PGGT1B: variants seen among roughly 807,000 people sequenced by gnomAD.
PGGT1B encodes the protein protein geranylgeranyltransferase type I subunit beta.
Under a neutral mutation model 46.1 loss-of-function variants are expected in PGGT1B, and 30 were observed. The ratio of observed to expected loss-of-function variants is 0.65; its 90% CI spans 0.49 to 0.88. PGGT1B has a LOEUF of 0.88. Ranked by LOEUF, PGGT1B falls within the 40% of genes least tolerant of loss-of-function variation. The pLI, the probability that PGGT1B is intolerant of heterozygous loss-of-function variation, is 0.00. For synonymous variants in PGGT1B, 170 were observed against 160.0 expected (o/e 1.06, Z -0.47); for missense variants, 376 against 455.9 (o/e 0.82, Z 1.60).
rs372063239 is a variant in PGGT1B, at chr5:115,211,847, T to C, written c.*555A>G. ...ACTATGAAGTTATTAACTTCATTTA[T>C]ATAGGCCACACAGGTTTAATTGGCA... is the stretch of plus-strand genomic sequence containing the variant. On this transcript the variant is annotated 3_prime_UTR_variant, in exon 9 of 9. Transcript: ENST00000419445. 2 of 153,122 alleles carry C rather than the reference T, an allele frequency of 1.3e-5. No homozygotes were observed. The highest frequency in any genetic ancestry group is 6.5e-5 in the Admixed American group (1 of 15,364). The allele number at this position is 153,122 out of a possible 1,614,324, so 9.5% of individuals were successfully genotyped here. A position where few individuals can be genotyped will look rare whatever the true frequency, so the allele number is the denominator to read the frequency against.
At chr5:115,260,094 G>C (rs1404304348) in intron 1 of PGGT1B, among the ~76,000 whole-genome samples, 1 of 152,068 alleles carries the variant, frequency 6.6e-6, no homozygotes, top group African/African-American at 2.4e-5. Context: ...ATCATTTTAA[G>C]AAGTCAATAT....
Position 115,209,252 on chromosome 5 carries a change from G to A in PGGT1B, c.*3150C>T, listed in dbSNP as rs1201396618. ...ATTTGGATTCTAATTCTAGAAGTTT[G>A]TCCTCAGTGCTGGGCTTTGTCTCAT... On this transcript the variant is annotated 3_prime_UTR_variant, in exon 9 of 9. Coordinates refer to ENST00000419445, the MANE Select transcript of PGGT1B (RefSeq NM_005023.4). 4 of 151,974 alleles carry A rather than the reference G, an allele frequency of 2.6e-5. No individual in the cohort carries two copies. The highest frequency in any genetic ancestry group is 2.6e-4 in the Admixed American group (4 of 15,226). The allele number at this position is 151,974 out of a possible 1,614,324, so 9.4% of individuals were successfully genotyped here. A position where few individuals can be genotyped will look rare whatever the true frequency, so the allele number is the denominator to read the frequency against.
intron 1 of PGGT1B, among the ~76,000 whole-genome samples, chr5:115,253,578 A>G (rs575205249): frequency 2.5e-4 from 38 of 152,050 alleles, no homozygotes; most frequent in Non-Finnish European, 4.4e-4. Context: ...CTCTACAACT[A>G]ATCAGTACAA....
intron 6 of PGGT1B, among the ~76,000 whole-genome samples, chr5:115,229,102 G>A (rs553773622): frequency 6.6e-6 from 1 of 152,186 alleles, no homozygotes; most frequent in East Asian, 1.9e-4. Context: ...GTGATGAGAA[G>A]GGGAAAGAAA....
chr5:115,237,785 A>G, intron 4 of PGGT1B, 73 bp downstream of exon 4: 6 of 1,264,052 alleles, frequency 4.7e-6, no homozygotes, highest in Admixed American at 2.0e-5. Context: ...GATCTAGTAT[A>G]GTACTGTATC....
Position 115,207,204 on chromosome 5 carries a change from T to G in PGGT1B, c.*5198A>C, listed in dbSNP as rs1436921236. On this transcript the variant is annotated 3_prime_UTR_variant, in exon 9 of 9. Transcript: ENST00000419445. Reference sequence around the variant, plus strand: ...ACATATATATATATATATATATATATATAGTCTTGTTACTCTTTTTAGTAA... The same window carrying G: ...ACATATATATATATATATATATATAGATAGTCTTGTTACTCTTTTTAGTAA... 7.1e-6 allele frequency: 1 copy of G among 140,316 alleles called. No individual in the cohort carries two copies. 8.7% of individuals were successfully genotyped at this position (140,316 alleles called of 1,614,324 possible). A position where few individuals can be genotyped will look rare whatever the true frequency, so the allele number is the denominator to read the frequency against.
chr5:115,258,799 G>C (rs1748430359), intron 1 of PGGT1B, among the ~76,000 whole-genome samples: 1 of 152,198 alleles, frequency 6.6e-6, no homozygotes, highest in African/African-American at 2.4e-5. Flanking sequence ...CAGGGGATTA[G>C]CCATAACAAA....
rs936146464 is a variant in PGGT1B at position 115,205,449 on chromosome 5, A to G, written c.*6953T>C. ...TAATGAAAAGTTTGAACAAACATGGAAAAACATGGAAAGAAGAGGGTGGAG... is the reference window on the plus strand; with the variant it reads ...TAATGAAAAGTTTGAACAAACATGGGAAAACATGGAAAGAAGAGGGTGGAG... On this transcript the variant is annotated 3_prime_UTR_variant, in exon 9 of 9. Transcript: ENST00000419445. 6.6e-6 allele frequency: 1 copy of G among 152,068 alleles called. No individual in the cohort carries two copies. The highest frequency in any genetic ancestry group is 2.4e-5 in the African/African-American group (1 of 41,414). 9.4% of individuals were successfully genotyped at this position (152,068 alleles called of 1,614,324 possible). A position where few individuals can be genotyped will look rare whatever the true frequency, so the allele number is the denominator to read the frequency against.
Position 115,252,938 on chromosome 5 carries a change from C to T in PGGT1B, c.259+199G>A, listed in dbSNP as rs374747121. ...TGAATCTCTATTAAATTCCAGATAACTCTAAATTGTTTTCTTGAGATTATG... is the reference window on the plus strand; with the variant it reads ...TGAATCTCTATTAAATTCCAGATAATTCTAAATTGTTTTCTTGAGATTATG... On this transcript the variant is annotated intron_variant, in intron 2 of 8. Coordinates refer to ENST00000419445, the MANE Select transcript of PGGT1B (RefSeq NM_005023.4). The T allele has an allele frequency of 2.9e-5, 15 of 516,654 alleles. 1 individual carries two copies. The highest frequency in any genetic ancestry group is 2.2e-4 in the East Asian group (6 of 27,442). The allele number at this position is 516,654 out of a possible 1,614,324, so 32.0% of individuals were successfully genotyped here. A position where few individuals can be genotyped will look rare whatever the true frequency, so the allele number is the denominator to read the frequency against.
chr5:115,210,710 CATT>C lies in PGGT1B; in HGVS notation c.*1689_*1691del, dbSNP rs1475690975. 4.6e-5 allele frequency: 7 copies of C among 151,920 alleles called. No individual in the cohort carries two copies. 9.4% of individuals were successfully genotyped at this position (151,920 alleles called of 1,614,324 possible). A position where few individuals can be genotyped will look rare whatever the true frequency, so the allele number is the denominator to read the frequency against. On this transcript the variant is annotated 3_prime_UTR_variant, in exon 9 of 9. Transcript: ENST00000419445. ...TGGGCTTTTTATATAGTCCTAAAGC[CATT>C]ATATATATGCTACTTTAACTTCCAA...
chr5:115,220,333 T>G (rs1056387940), intron 7 of PGGT1B, among the ~76,000 whole-genome samples: 2 of 151,778 alleles, frequency 1.3e-5, no homozygotes, highest in African/African-American at 4.8e-5. Flanking sequence ...TTATGCTAAG[T>G]GAAATAAGCC....
At chr5:115,217,051 A>ATTTTC in intron 7 of PGGT1B, 78 bp from the exon 8 acceptor site, 2 of 704,734 alleles carry the variant, frequency 2.8e-6, no homozygotes, top group South Asian at 3.3e-5. Context: ...GATACGTGTC[A>ATTTTC]TTTAGATATG....
At chr5:115,240,212 T>C (rs1757307306) in intron 3 of PGGT1B, among the ~76,000 whole-genome samples, 1 of 152,196 alleles carries the variant, frequency 6.6e-6, no homozygotes, top group Non-Finnish European at 1.5e-5. Flanking sequence ...AAAAGGAGTT[T>C]CAGGAGACTC....
At chr5:115,228,123 T>C (rs1395368561) in intron 6 of PGGT1B, among the ~76,000 whole-genome samples, 1 of 152,208 alleles carries the variant, frequency 6.6e-6, no homozygotes, top group Non-Finnish European at 1.5e-5. Context: ...GTTTTAAAAA[T>C]ATGCAGTTTG....
At chr5:115,257,530 CAAAA>C (rs1169870044) in intron 1 of PGGT1B, among the ~76,000 whole-genome samples, 1 of 72,112 alleles carries the variant, frequency 1.4e-5, no homozygotes, top group Admixed American at 1.7e-4. Flanking sequence ...AACTCCATCT[CAAAA>C]AAAAAAAAAA....
chr5:115,216,573 G>T (rs1460338657), intron 8 of PGGT1B, among the ~76,000 whole-genome samples: 2 of 152,104 alleles, frequency 1.3e-5, no homozygotes, highest in African/African-American at 4.8e-5. Context: ...CTTTGGAAAG[G>T]ACCCATTCAG....
At position 115,210,032 on chromosome 5, in the gene PGGT1B, TTTAGA is replaced by T. The variant is rs1054892925; in HGVS notation, c.*2365_*2369del. The T allele has an allele frequency of 2.5e-4, 38 of 152,208 alleles. No homozygotes were observed. Among genetic ancestry groups the T allele is most frequent in the African/African-American group, 8.2e-4 (34 of 41,552 alleles). 9.4% of individuals were successfully genotyped at this position (152,208 alleles called of 1,614,324 possible). A position where few individuals can be genotyped will look rare whatever the true frequency, so the allele number is the denominator to read the frequency against. ...ACTGTCAGCAAGATTTCTATATGAA[TTTAGA>T]TTAAATATAAATAACTAAAGATCTA... On this transcript the variant is annotated 3_prime_UTR_variant, in exon 9 of 9. Transcript: ENST00000419445.
chr5:115,223,519 G>A (rs1012033216), intron 6 of PGGT1B, among the ~76,000 whole-genome samples: 5 of 152,136 alleles, frequency 3.3e-5, no homozygotes, highest in Non-Finnish European at 7.4e-5. Flanking sequence ...GCCACTAGAA[G>A]CTGGGAAGAG....
intron 8 of PGGT1B, among the ~76,000 whole-genome samples, chr5:115,214,356 CTA>C (rs767840993): frequency 6.6e-6 from 1 of 152,066 alleles, no homozygotes; most frequent in Non-Finnish European, 1.5e-5. Flanking sequence ...AGATGTGGAA[CTA>C]TATGTTTACT....
Sources: gnomAD v4.1 joint callset for allele counts (sites outside exome capture counted in the v4.1 genomes callset) on GRCh38, gnomAD v4.1.1 for gene constraint, MANE v1.5 for transcripts, NCBI Gene and HGNC (gene_info 2026-07-23, HGNC 2026-07-21) for gene names.